The following PPM1A variants were observed in gnomAD, a reference collection of about 807,000 sequenced individuals.
The protein encoded by PPM1A is protein phosphatase 1A.
A neutral mutation model predicts 35.0 loss-of-function variants in PPM1A; 7 were observed. That is an observed-to-expected ratio of 0.20 (90% CI 0.11 to 0.38). PPM1A has a LOEUF of 0.38. Among genes scored for constraint, PPM1A ranks in the 10% least tolerant of loss-of-function variants. The probability of loss-of-function intolerance (pLI) is 1.00; values close to 1 mark genes in which losing one functional copy is unlikely to be tolerated. For synonymous variants in PPM1A, 153 were observed against 167.3 expected (o/e 0.91, Z 0.66); for missense variants, 239 against 467.8 (o/e 0.51, Z 4.51).
rs1888102172 is a variant in PPM1A at position 60,296,916 on chromosome 14, C to T, written c.*4434C>T. 1 of 279,256 alleles carries T rather than the reference C, an allele frequency of 3.6e-6. No individual in the cohort carries two copies. Among genetic ancestry groups the T allele is most frequent in the South Asian group, 1.7e-4 (1 of 5,888 alleles). 17.3% of individuals were successfully genotyped at this position (279,256 alleles called of 1,614,324 possible). ...CTGTATGTTAAGATAGTGGCTTCTGCTCTCACTGTTTTCCTATTTATATTA... is the reference window on the plus strand; with the variant it reads ...CTGTATGTTAAGATAGTGGCTTCTGTTCTCACTGTTTTCCTATTTATATTA... On this transcript the variant is annotated 3_prime_UTR_variant, in exon 6 of 6. Transcript: ENST00000395076. This position sits in a 1 kb window ranked among gnomAD's most constrained non-coding sequence, Gnocchi z 4.4.
chr14:60,272,781 A>T (rs1038137798), intron 1 of PPM1A, among the ~76,000 whole-genome samples: 2 of 150,318 alleles, frequency 1.3e-5, no homozygotes, highest in African/African-American at 4.9e-5. Flanking sequence ...CAGTTTGGTG[A>T]TACGTTATTC....
chr14:60,262,036 T>TA (rs1883802122), intron 1 of PPM1A, among the ~76,000 whole-genome samples: 1 of 152,218 alleles, frequency 6.6e-6, no homozygotes, highest in Non-Finnish European at 1.5e-5. Context: ...ATCTTATACT[T>TA]AATTTTTTAA....
At chr14:60,248,481 C>T (rs1309888842), upstream of PPM1A, among the ~76,000 whole-genome samples, 1 of 152,242 alleles carries the variant, frequency 6.6e-6, no homozygotes, top group Non-Finnish European at 1.5e-5. Flanking sequence ...TGCACTCGCA[C>T]ATTGGTGGGC....
At chr14:60,271,493 G>A (rs1244500049) in intron 1 of PPM1A, among the ~76,000 whole-genome samples, 1 of 152,172 alleles carries the variant, frequency 6.6e-6, no homozygotes, top group Non-Finnish European at 1.5e-5. Flanking sequence ...AGATTGTGCT[G>A]TTTGTTAGAA....
chr14:60,263,582 A>G (rs1160780704), intron 1 of PPM1A, among the ~76,000 whole-genome samples: 2 of 152,136 alleles, frequency 1.3e-5, no homozygotes, highest in Non-Finnish European at 1.5e-5. Flanking sequence ...AGCATGTATA[A>G]TGGTGGAGGT....
intron 1 of PPM1A, among the ~76,000 whole-genome samples, chr14:60,262,396 A>G (rs1354982653): frequency 6.6e-6 from 1 of 152,200 alleles, no homozygotes; most frequent in East Asian, 1.9e-4. Context: ...CCGCAAACTA[A>G]TAGAAAACCA....
At position 60,291,427 on chromosome 14, in the gene PPM1A, A is replaced by G. The variant is rs1270081204; in HGVS notation, c.1092A>G (p.Arg364=). ...KRNVIEAVYN[R]LNPYKNDDTD... ...ATGTTATTGAAGCCGTTTACAATAG[A>G]CTGAATCCTTACAAAAATGACGACA... The change falls in exon 5 of 6, where the codon AGA becomes AGG. Residue 364 remains arginine, a synonymous_variant. Coordinates refer to ENST00000395076, the MANE Select transcript of PPM1A (RefSeq NM_021003.5). 1.3e-6 allele frequency: 2 copies of G among 1,578,786 alleles called. No individual in the cohort carries two copies. Among genetic ancestry groups the G allele is most frequent in the Admixed American group, 3.5e-5 (2 of 57,636 alleles).
In PPM1A at chr14:60,298,064, A is replaced by T. The variant is rs895480921; in HGVS notation, c.*5582A>T. The T allele has an allele frequency of 5.3e-5, 8 of 151,642 alleles. No individual in the cohort carries two copies. Among genetic ancestry groups the T allele is most frequent in the African/African-American group, 1.4e-4 (6 of 41,386 alleles). 9.4% of individuals were successfully genotyped at this position (151,642 alleles called of 1,614,324 possible). Reference sequence around the variant, plus strand: ...AATCTGACATTAAAATATACTTTTTAAAAAATATTATATTTGGGGTGGGGA... The same window carrying T: ...AATCTGACATTAAAATATACTTTTTTAAAAATATTATATTTGGGGTGGGGA... On this transcript the variant is annotated 3_prime_UTR_variant, in exon 6 of 6. Transcript: ENST00000395076.
At position 60,282,846 on chromosome 14, in the gene PPM1A, G is replaced by A. The variant is rs375823365; in HGVS notation, c.143G>A (p.Ser48Asn). The A allele has an allele frequency of 3.2e-5, 51 of 1,614,142 alleles. No homozygotes were observed. Among genetic ancestry groups the A allele is most frequent in the African/African-American group, 4.0e-5 (3 of 74,946 alleles). The change falls in exon 2 of 6, where the codon AGT becomes AAT. Residue 48 changes from serine to asparagine, a missense_variant. Ser to Asn is a conservative substitution (Grantham distance 46). This residue lies in a region of PPM1A where 175 missense variants were observed against 389.2 expected (regional missense o/e 0.45). Transcript: ENST00000395076. This position sits in a 1 kb window ranked among gnomAD's most constrained non-coding sequence, Gnocchi z 5.1. The stretch of plus-strand genomic sequence containing the variant: ...CATACGGCTGTGATCGGTTTGCCAA[G>A]TGGACTTGAATCGTGGTCATTCTTT... Reference protein sequence around the residue: ...DAHTAVIGLPSGLESWSFFAV... With the variant: ...DAHTAVIGLPNGLESWSFFAV...
At chr14:60,256,845 G>A (rs773060439) in intron 1 of PPM1A, 2 of 152,162 alleles carry the variant, frequency 1.3e-5, no homozygotes, top group Non-Finnish European at 2.9e-5. Flanking sequence ...TGATCCATGC[G>A]GTTTCATTGC....
At chr14:60,263,349 T>C (rs938711900) in intron 1 of PPM1A, among the ~76,000 whole-genome samples, 2 of 152,218 alleles carry the variant, frequency 1.3e-5, no homozygotes, top group Non-Finnish European at 2.9e-5. Context: ...CCCTTTCCCT[T>C]GGCCTTTGTA....
At chr14:60,276,373 T>C (rs1303642141) in intron 1 of PPM1A, among the ~76,000 whole-genome samples, 1 of 152,186 alleles carries the variant, frequency 6.6e-6, no homozygotes, top group African/African-American at 2.4e-5. Context: ...CCTTTAGATT[T>C]CTTATCTCTA....
chr14:60,290,652 T>A (rs1186655881), intron 4 of PPM1A, among the ~76,000 whole-genome samples: 1 of 152,162 alleles, frequency 6.6e-6, no homozygotes, highest in Non-Finnish European at 1.5e-5. Context: ...TTCTTGTACT[T>A]ACAGTGAAGA....
rs1044280182 is a variant in PPM1A, at chr14:60,298,329, A to T, written c.*5847A>T. ...GCTTTCTAGTATTAGGATTCATTAA[A>T]TGTTCAATTCATTTCATATTCTAAG... On this transcript the variant is annotated 3_prime_UTR_variant, in exon 6 of 6. Transcript: ENST00000395076. The T allele has an allele frequency of 1.3e-5, 2 of 151,786 alleles. No homozygotes were observed. The highest frequency in any genetic ancestry group is 4.8e-5 in the African/African-American group (2 of 41,420). 9.4% of individuals were successfully genotyped at this position (151,786 alleles called of 1,614,324 possible).
In PPM1A at chr14:60,283,115, C is replaced by A; in HGVS notation, c.412C>A (p.His138Asn). Reference protein sequence around the residue: ...TAVGVLISPQHTYFINCGDSR... With the variant: ...TAVGVLISPQNTYFINCGDSR... The stretch of plus-strand genomic sequence containing the variant: ...TGTAGGTGTCTTAATTTCTCCCCAA[C>A]ATACTTATTTCATTAACTGTGGAGA... Residue 138 changes from histidine (H) to asparagine (N), a missense_variant, in exon 2 of 6, where the codon CAT (histidine) becomes AAT (asparagine). By Grantham distance (68) the His-to-Asn change is moderately conservative. Transcript: ENST00000395076. This position sits in a 1 kb window ranked among gnomAD's most constrained non-coding sequence, Gnocchi z 6.3. 6.2e-7 allele frequency: 1 copy of A among 1,614,216 alleles called. No homozygotes were observed.
rs1161076861 is a variant in PPM1A, at chr14:60,255,182, TTG to T, written c.-21+5507_-21+5508del. Among the ~76,000 whole-genome samples, 253 of 90,062 alleles carry T rather than the reference TTG, an allele frequency of 2.8e-3. 31 individuals are homozygous for T. Among genetic ancestry groups the T allele is most frequent in the African/African-American group, 0.01 (175 of 17,104 alleles). 59.1% of individuals were successfully genotyped at this position (90,062 alleles called of 152,430 possible). ...ATGTTTTTTTTTTTTTTGTTTTGTT[TTG>T]TTTTTGAGACAGAGTCTCGCTCTGT... On this transcript the variant is annotated intron_variant, in intron 1 of 5. Transcript: ENST00000395076.
rs1316400398 is a variant in PPM1A at position 60,295,369 on chromosome 14, A to T, written c.*2887A>T. On this transcript the variant is annotated 3_prime_UTR_variant, in exon 6 of 6. Coordinates refer to ENST00000395076, the MANE Select transcript of PPM1A (RefSeq NM_021003.5). ...TATACTTTAAAAAATCAAAGTGATA[A>T]CTTAATTCAGCTTTGGAAGTATCTC... 6.6e-6 allele frequency: 1 copy of T among 151,666 alleles called. No homozygotes were observed. The highest frequency in any genetic ancestry group is 1.9e-4 in the East Asian group (1 of 5,192). 9.4% of individuals were successfully genotyped at this position (151,666 alleles called of 1,614,324 possible). A position where few individuals can be genotyped will look rare whatever the true frequency, so the allele number is the denominator to read the frequency against.
intron 4 of PPM1A, among the ~76,000 whole-genome samples, chr14:60,290,441 T>G (rs1887515205): frequency 6.6e-6 from 1 of 152,196 alleles, no homozygotes; most frequent in African/African-American, 2.4e-5. Context: ...CTTTCCACTT[T>G]AGTTCATAGA....
At chr14:60,253,947 A>G (rs1235404509) in intron 1 of PPM1A, among the ~76,000 whole-genome samples, 1 of 152,148 alleles carries the variant, frequency 6.6e-6, no homozygotes, top group Non-Finnish European at 1.5e-5. Flanking sequence ...TGGGTAAGCT[A>G]CTTGATTTCT....
Sources: allele counts gnomAD v4.1 joint callset (sites outside exome capture counted in the v4.1 genomes callset), GRCh38; gene constraint gnomAD v4.1.1; regional missense constraint gnomAD v4.1.1; non-coding constraint Gnocchi (gnomAD v3.1); transcripts MANE v1.5; gene names NCBI Gene and HGNC (gene_info 2026-07-23, HGNC 2026-07-21).